Variants in NPY2R observed in about 807,000 individuals in gnomAD.
NPY2R encodes the protein neuropeptide Y receptor Y2.
A neutral mutation model predicts 22.3 loss-of-function variants in NPY2R; 17 were observed. The ratio of observed to expected loss-of-function variants is 0.76; its 90% CI spans 0.52 to 1.14. The LOEUF is 1.14. NPY2R is among the 50% of genes most tolerant of loss of function. The pLI is 0.00. For missense variants in NPY2R, 424 were observed against 467.9 expected (o/e 0.91, Z 0.87); for synonymous variants, 209 against 183.4 (o/e 1.14, Z -1.13).
the NPY2R span, among the ~76,000 whole-genome samples, chr4:155,193,890 C>T: frequency 2.5e-3 from 376 of 151,936 alleles, 2 homozygotes; most frequent in East Asian, 0.028. Flanking sequence ...GAACCTGTCT[C>T]GTGTTCTCAA....
chr4:155,178,611 G>C, the NPY2R span, among the ~76,000 whole-genome samples: 3 of 152,104 alleles, frequency 2.0e-5, no homozygotes, highest in Non-Finnish European at 4.4e-5. Context: ...AACTATATTT[G>C]TGTATTTGTT....
chr4:155,177,574 C>T, the NPY2R span, among the ~76,000 whole-genome samples: 111 of 152,244 alleles, frequency 7.3e-4, 1 homozygote, highest in Non-Finnish European at 2.1e-4. Context: ...GCTGGTGGCT[C>T]AATAGTTCTG....
intron 1 of NPY2R, among the ~76,000 whole-genome samples, chr4:155,211,659 T>C (rs985833778): frequency 3.3e-5 from 5 of 152,142 alleles, no homozygotes; most frequent in African/African-American, 1.2e-4. Context: ...TATTCAAGAA[T>C]GTAAAAAAGG....
the NPY2R span, among the ~76,000 whole-genome samples, chr4:155,185,706 T>A: frequency 6.6e-6 from 1 of 151,970 alleles, no homozygotes; most frequent in East Asian, 1.9e-4. Flanking sequence ...CTAATTTTGG[T>A]ACAACAAAAA....
At chr4:155,209,244 T>C (rs1025154457) in intron 1 of NPY2R, among the ~76,000 whole-genome samples, 175 bp downstream of exon 1, 2 of 152,012 alleles carry the variant, frequency 1.3e-5, no homozygotes, top group African/African-American at 4.8e-5. Context: ...CATTTTCTAC[T>C]TTCTCTAGAT....
rs532954859 is a variant in NPY2R, at chr4:155,215,481, G to A, written c.*396G>A. ...CCTGGATTGAGGAGGTGTGCAGTTC[G>A]CTGCTCCCTGCTTGGCTTATGAAAA... On this transcript the variant is annotated 3_prime_UTR_variant, in exon 2 of 2. Transcript: ENST00000329476. 19 of 299,850 alleles carry A rather than the reference G, an allele frequency of 6.3e-5. No individual in the cohort carries two copies. Among genetic ancestry groups the A allele is most frequent in the African/African-American group, 3.7e-4 (17 of 45,406 alleles). The allele number at this position is 299,850 out of a possible 1,614,324, so 18.6% of individuals were successfully genotyped here. A position where few individuals can be genotyped will look rare whatever the true frequency, so the allele number is the denominator to read the frequency against.
chr4:155,209,097 C>T (rs1275002528), intron 1 of NPY2R, 28 bp downstream of exon 1: 1 of 152,242 alleles, frequency 6.6e-6, no homozygotes, highest in East Asian at 1.9e-4. Flanking sequence ...CTCTGATCAC[C>T]TCCTGGGAAC....
chr4:155,195,171 A>T, the NPY2R span, among the ~76,000 whole-genome samples: 1 of 152,028 alleles, frequency 6.6e-6, no homozygotes, highest in Non-Finnish European at 1.5e-5. Context: ...GGAAATAAAG[A>T]ACTCTGCAGC....
the NPY2R span, among the ~76,000 whole-genome samples, chr4:155,180,899 T>C: frequency 2.6e-5 from 4 of 151,950 alleles, no homozygotes; most frequent in Non-Finnish European, 1.5e-5. Context: ...TGTCTATACA[T>C]TCGAACTGAT....
the NPY2R span, among the ~76,000 whole-genome samples, chr4:155,188,126 T>C: frequency 6.6e-6 from 1 of 152,182 alleles, no homozygotes; most frequent in East Asian, 1.9e-4. Flanking sequence ...GTACAACAGA[T>C]CTAAAACTAA....
chr4:155,194,495 C>T, the NPY2R span, among the ~76,000 whole-genome samples: 2 of 151,912 alleles, frequency 1.3e-5, no homozygotes, highest in Admixed American at 1.3e-4. Context: ...TGAGAACATG[C>T]AATATTTGAC....
At chr4:155,205,379 G>A (rs1167899123), upstream of NPY2R, among the ~76,000 whole-genome samples, 1 of 152,026 alleles carries the variant, frequency 6.6e-6, no homozygotes, top group African/African-American at 2.4e-5. Flanking sequence ...TTATACCGTG[G>A]GGGAAGCATC....
the NPY2R span, among the ~76,000 whole-genome samples, chr4:155,187,408 T>C: frequency 6.6e-6 from 1 of 152,148 alleles, no homozygotes; most frequent in African/African-American, 2.4e-5. Flanking sequence ...ATTGTCGCCG[T>C]TATTGAGGAA....
In NPY2R at chr4:155,213,950, T is replaced by C. The variant is rs778464076; in HGVS notation, c.11T>C (p.Ile4Thr). 6.2e-6 allele frequency: 10 copies of C among 1,613,862 alleles called. No individual in the cohort carries two copies. The highest frequency in any genetic ancestry group is 8.5e-7 in the Non-Finnish European group (1 of 1,180,004). ...GGACCTGTACTGAAAATGGGTCCAA[T>C]AGGTGCAGAGGCTGATGAGAACCAG... is the stretch of plus-strand genomic sequence containing the variant. MGPIGAEADENQTV... is the reference protein window; with the variant it reads MGPTGAEADENQTV... The change falls in exon 2 of 2, where the codon ATA (isoleucine) becomes ACA (threonine). Residue 4 changes from isoleucine (I) to threonine (T), a missense_variant. Coordinates refer to ENST00000329476, the MANE Select transcript of NPY2R (RefSeq NM_000910.4).
At chr4:155,211,957 C>T (rs1322565675) in intron 1 of NPY2R, among the ~76,000 whole-genome samples, 1 of 152,192 alleles carries the variant, frequency 6.6e-6, no homozygotes, top group Non-Finnish European at 1.5e-5. Context: ...TGCTGCCTGC[C>T]AGTGCCTCCC....
upstream of NPY2R, among the ~76,000 whole-genome samples, chr4:155,205,395 T>C (rs1384903424): frequency 3.9e-5 from 6 of 152,224 alleles, no homozygotes; most frequent in African/African-American, 1.4e-4. Flanking sequence ...GCATCTTTGC[T>C]GTTAAAATGA....
rs574157658 is a variant in NPY2R, at chr4:155,208,921, G to A, written c.-197G>A. 2 of 152,276 alleles carry A rather than the reference G, an allele frequency of 1.3e-5. No individual in the cohort carries two copies. The highest frequency in any genetic ancestry group is 4.1e-4 in the South Asian group (2 of 4,824). The allele number at this position is 152,276 out of a possible 1,614,324, so 9.4% of individuals were successfully genotyped here. ...CTCCGGCTGCCCGCCCGCGCGGCGC[G>A]GGCTGTCCTGGACCCTAGGAGGGGA... is the stretch of plus-strand genomic sequence containing the variant. On this transcript the variant is annotated 5_prime_UTR_variant, in exon 1 of 2. Coordinates refer to ENST00000329476, the MANE Select transcript of NPY2R (RefSeq NM_000910.4). This position sits in a 1 kb window ranked among gnomAD's most constrained non-coding sequence, Gnocchi z 5.6.
At chr4:155,206,263 A>G (rs916372580), upstream of NPY2R, among the ~76,000 whole-genome samples, 6 of 152,220 alleles carry the variant, frequency 3.9e-5, no homozygotes, top group Admixed American at 3.3e-4. Context: ...AAAAGAAATC[A>G]AGCATCAATA....
chr4:155,194,481 T>A, the NPY2R span, among the ~76,000 whole-genome samples: 80,547 of 151,758 alleles, frequency 0.53, 22,506 homozygotes, highest in East Asian at 0.94. Context: ...CTCCCACTTA[T>A]AAGTGAGAAC....
Sources: allele counts gnomAD v4.1 joint callset (sites outside exome capture counted in the v4.1 genomes callset), GRCh38; gene constraint gnomAD v4.1.1; non-coding constraint Gnocchi (gnomAD v3.1); transcripts MANE v1.5; gene names NCBI Gene and HGNC (gene_info 2026-07-23, HGNC 2026-07-21).